EPSTI1: variants seen among roughly 807,000 people sequenced by gnomAD.
EPSTI1 encodes the protein epithelial-stromal interaction protein 1.
A neutral mutation model predicts 49.9 loss-of-function variants in EPSTI1; 66 were observed. The ratio of observed to expected loss-of-function variants is 1.32; its 90% CI spans 1.08 to 1.62. The LOEUF is 1.62. Among genes scored for constraint, EPSTI1 ranks in the 40% most tolerant of loss-of-function variants. The pLI is 0.00. For missense variants in EPSTI1, 394 were observed against 365.5 expected (o/e 1.08, Z -0.64); for synonymous variants, 137 against 130.7 (o/e 1.05, Z -0.33).
intron 3 of EPSTI1, among the ~76,000 whole-genome samples, chr13:42,967,543 C>T (rs913239853): frequency 2.0e-5 from 3 of 152,136 alleles, no homozygotes; most frequent in South Asian, 4.1e-4. Flanking sequence ...AAAGAGAATG[C>T]CAACCTAAAG....
At chr13:42,934,146 T>C (rs1345009530) in intron 6 of EPSTI1, 3 of 170,722 alleles carry the variant, frequency 1.8e-5, no homozygotes, top group Non-Finnish European at 2.6e-5. Flanking sequence ...CTAGTTCTCC[T>C]GTATTACCTT....
chr13:42,990,625 TGAG>T lies in EPSTI1; in HGVS notation c.188+1350_188+1352del, dbSNP rs1298312816. On this transcript the variant is annotated intron_variant, in intron 1 of 10. Coordinates refer to ENST00000313624, the MANE Select transcript of EPSTI1 (RefSeq NM_033255.5). ...TACTGTGGCGAGACACTAATTATTC[TGAG>T]GAGGAAAGAAATGCAACAATCTCTA... Among the ~76,000 whole-genome samples, 3 of 152,346 alleles carry T rather than the reference TGAG, an allele frequency of 2.0e-5. No homozygotes were observed. The East Asian group carries it at 5.8e-4, about 29-fold the overall frequency.
intron 8 of EPSTI1, among the ~76,000 whole-genome samples, chr13:42,906,657 C>A (rs1458684037): frequency 6.6e-6 from 1 of 152,118 alleles, no homozygotes; most frequent in Admixed American, 6.5e-5. Context: ...TCTCCGGCAT[C>A]CACAGTAATA....
At chr13:42,894,063 T>C (rs2037117678) in intron 10 of EPSTI1, among the ~76,000 whole-genome samples, 1 of 152,236 alleles carries the variant, frequency 6.6e-6, no homozygotes, top group Admixed American at 6.5e-5. Flanking sequence ...TTCTGTTCAA[T>C]TATCTTAAAT....
chr13:42,972,263 A>G (rs1010523771), intron 1 of EPSTI1, among the ~76,000 whole-genome samples: 1 of 152,330 alleles, frequency 6.6e-6, no homozygotes, highest in Non-Finnish European at 1.5e-5. Flanking sequence ...TTTATCGTGC[A>G]TCATAATCAC....
intron 1 of EPSTI1, among the ~76,000 whole-genome samples, chr13:42,971,632 CAGAT>C (rs2039770902): frequency 6.6e-6 from 1 of 152,184 alleles, no homozygotes; most frequent in Non-Finnish European, 1.5e-5. Flanking sequence ...AAACCCCACC[CAGAT>C]ACTCTTGGAA....
chr13:42,888,617 C>A (rs371452821), intron 10 of EPSTI1, 115 bp from the exon 11 acceptor site: 1 of 1,093,938 alleles, frequency 9.1e-7, no homozygotes, highest in Non-Finnish European at 1.3e-6. Context: ...CTGAAATGAC[C>A]ATTTTTTAAA....
At chr13:42,990,230 AT>A (rs1594770064) in intron 1 of EPSTI1, among the ~76,000 whole-genome samples, 1 of 151,674 alleles carries the variant, frequency 6.6e-6, no homozygotes, top group East Asian at 1.9e-4. Flanking sequence ...ACTTCCTGGT[AT>A]TTTTTTAATG....
rs542126356 is a variant in EPSTI1, at chr13:42,965,255, G to A, written c.332-1116C>T. 1.8e-3 allele frequency among the ~76,000 whole-genome samples: 270 copies of A among 152,250 alleles called. 3 individuals carry two copies. Among genetic ancestry groups the A allele is most frequent in the Admixed American group, 3.2e-3 (49 of 15,282 alleles). Reference sequence around the variant, plus strand: ...GAAATGGAGAGAGCCAGATGTCTAAGCATTTACAAGTTTTGTTCAAAACTC... The same window carrying A: ...GAAATGGAGAGAGCCAGATGTCTAAACATTTACAAGTTTTGTTCAAAACTC... On this transcript the variant is annotated intron_variant, in intron 3 of 10. Coordinates refer to ENST00000313624, the MANE Select transcript of EPSTI1 (RefSeq NM_033255.5).
chr13:42,900,446 A>C, intron 8 of EPSTI1, 63 bp from the exon 9 acceptor site: 2 of 1,483,468 alleles, frequency 1.3e-6, no homozygotes, highest in Non-Finnish European at 1.9e-6. Flanking sequence ...GAAGATACCC[A>C]AATCAATTAC....
At chr13:42,895,480 A>G (rs894287941) in intron 9 of EPSTI1, among the ~76,000 whole-genome samples, 2 of 152,186 alleles carry the variant, frequency 1.3e-5, no homozygotes, top group African/African-American at 2.4e-5. Context: ...CAAAACATGA[A>G]GAAGAACCAA....
chr13:42,953,393 A>G (rs1333521790), intron 6 of EPSTI1, among the ~76,000 whole-genome samples: 2 of 152,366 alleles, frequency 1.3e-5, no homozygotes, highest in South Asian at 2.1e-4. Flanking sequence ...TAAAGCCTAC[A>G]TAACAAAGTA....
chr13:42,971,064 G>A (rs1312884361), intron 1 of EPSTI1, among the ~76,000 whole-genome samples: 1 of 152,160 alleles, frequency 6.6e-6, no homozygotes, highest in Admixed American at 6.5e-5. Context: ...CCCACAGACT[G>A]ATCCTAGAGG....
chr13:42,952,098 G>T (rs1490950948), intron 6 of EPSTI1, among the ~76,000 whole-genome samples: 2 of 152,082 alleles, frequency 1.3e-5, no homozygotes, highest in Non-Finnish European at 2.9e-5. Context: ...TTGTAAAATG[G>T]ACCAATCAGC....
intron 3 of EPSTI1, among the ~76,000 whole-genome samples, chr13:42,965,179 A>G (rs1180528192): frequency 6.6e-6 from 1 of 152,224 alleles, no homozygotes; most frequent in Non-Finnish European, 1.5e-5. Flanking sequence ...TCCTGCAACC[A>G]TTCCAATATT....
At position 42,911,264 on chromosome 13, in the gene EPSTI1, TGCGCGC is replaced by T. The variant is rs1555259496; in HGVS notation, c.741+6271_741+6276del. On this transcript the variant is annotated intron_variant, in intron 8 of 10. Transcript: ENST00000313624. The stretch of plus-strand genomic sequence containing the variant: ...GAGAGAGTGTGTGTGTGTGTGTGTG[TGCGCGC>T]GCACGCGCGCACACGTGTGTGAGTG... 2.8e-3 allele frequency among the ~76,000 whole-genome samples: 416 copies of T among 148,550 alleles called. 1 individual carries two copies. The highest frequency in any genetic ancestry group is 0.01 in the African/African-American group (404 of 39,284).
In EPSTI1 at chr13:42,888,395, G is replaced by GT. The variant is rs1566088874; in HGVS notation, c.*98dup. 3 of 1,614,026 alleles carry GT rather than the reference G, an allele frequency of 1.9e-6. No individual in the cohort carries two copies. The highest frequency in any genetic ancestry group is 3.3e-5 in the Admixed American group (2 of 60,006). The stretch of plus-strand genomic sequence containing the variant: ...AAGTGTGTGGGCAGTTGAAATTAAG[G>GT]TAAAAACAGTGAGGCTGAACAAAAT... On this transcript the variant is annotated 3_prime_UTR_variant, in exon 11 of 11. Transcript: ENST00000313624.
At chr13:42,972,454 A>G (rs1318354347) in intron 1 of EPSTI1, among the ~76,000 whole-genome samples, 1 of 152,250 alleles carries the variant, frequency 6.6e-6, no homozygotes, top group Admixed American at 6.5e-5. Flanking sequence ...AAGAAAACTT[A>G]GGTATTCATA....
At chr13:42,917,980 T>C (rs745508773) in intron 7 of EPSTI1, among the ~76,000 whole-genome samples, 24 of 152,188 alleles carry the variant, frequency 1.6e-4, no homozygotes, top group Non-Finnish European at 3.4e-4. Context: ...GACTAGCTGA[T>C]CAGTCAATAT....
Sources: allele counts gnomAD v4.1 joint callset (sites outside exome capture counted in the v4.1 genomes callset), GRCh38; gene constraint gnomAD v4.1.1; transcripts MANE v1.5; gene names NCBI Gene and HGNC (gene_info 2026-07-23, HGNC 2026-07-21).